ITGA9: variants seen among roughly 807,000 people sequenced by gnomAD.
ITGA9 encodes the protein integrin alpha-9.
Under a neutral mutation model 127.8 loss-of-function variants are expected in ITGA9, and 56 were observed. The ratio of observed to expected loss-of-function variants is 0.44; its 90% CI spans 0.35 to 0.55. ITGA9 has a LOEUF of 0.55. Ranked by LOEUF, ITGA9 falls within the 20% of genes least tolerant of loss-of-function variation. The pLI is 0.00. For synonymous variants in ITGA9, 508 were observed against 514.5 expected (o/e 0.99, Z 0.17); for missense variants, 1,196 against 1,347.1 (o/e 0.89, Z 1.76).
At chr3:37,457,838 C>T (rs1227668567) in intron 1 of ITGA9, among the ~76,000 whole-genome samples, 3 of 152,092 alleles carry the variant, frequency 2.0e-5, no homozygotes, top group African/African-American at 7.2e-5. Flanking sequence ...CTGTCTTGCC[C>T]AGTGGAGAAC....
chr3:37,780,160 C>A, intron 25 of ITGA9, 139 bp downstream of exon 25: 2 of 1,002,192 alleles, frequency 2.0e-6, no homozygotes, highest in Non-Finnish European at 3.1e-6. Context: ...CCCCTTTTGG[C>A]TGTCTACAAG....
intron 24 of ITGA9, 63 bp from the exon 25 acceptor site, chr3:37,779,839 A>G: frequency 6.4e-7 from 1 of 1,563,690 alleles, no homozygotes; most frequent in South Asian, 1.1e-5. Flanking sequence ...CTACTCTGTA[A>G]ATTGTTGTGG....
chr3:37,636,355 T>C (rs1457768800), intron 16 of ITGA9, among the ~76,000 whole-genome samples: 1 of 152,222 alleles, frequency 6.6e-6, no homozygotes, highest in Non-Finnish European at 1.5e-5. Context: ...CTCATTGTGG[T>C]TTTGATTTGC....
At chr3:37,691,252 C>T (rs1700829208) in intron 18 of ITGA9, among the ~76,000 whole-genome samples, 1 of 152,162 alleles carries the variant, frequency 6.6e-6, no homozygotes, top group South Asian at 2.1e-4. Context: ...AACCTGAGCA[C>T]CTCACTTTCT....
At chr3:37,464,828 A>G (rs1229051093) in intron 1 of ITGA9, among the ~76,000 whole-genome samples, 3 of 152,338 alleles carry the variant, frequency 2.0e-5, no homozygotes, top group East Asian at 1.9e-4. Flanking sequence ...TTGGGCAAGC[A>G]TTGGTCCCTA....
chr3:37,711,201 C>G (rs543894559), intron 18 of ITGA9, among the ~76,000 whole-genome samples: 27 of 152,242 alleles, frequency 1.8e-4, no homozygotes, highest in African/African-American at 5.3e-4. Flanking sequence ...TTAACACAAG[C>G]AGGGCAGGAG....
intron 22 of ITGA9, among the ~76,000 whole-genome samples, chr3:37,750,066 T>C (rs1207089306): frequency 7.0e-6 from 1 of 142,838 alleles, no homozygotes; most frequent in Non-Finnish European, 1.5e-5. Context: ...CAAAATGTGT[T>C]TTAACAAGCC....
chr3:37,509,090 G>A (rs1341444125), intron 8 of ITGA9, among the ~76,000 whole-genome samples: 3 of 152,116 alleles, frequency 2.0e-5, no homozygotes, highest in African/African-American at 7.2e-5. Context: ...CAAGGTGACT[G>A]TTGCCACACA....
intron 15 of ITGA9, among the ~76,000 whole-genome samples, chr3:37,618,331 T>A (rs536869364): frequency 6.6e-6 from 1 of 152,288 alleles, no homozygotes; most frequent in South Asian, 2.1e-4. Context: ...AAGTTTTGTC[T>A]CAGAGGAGTA....
chr3:37,634,465 C>G lies in ITGA9; in HGVS notation c.1839+5129C>G, dbSNP rs532676006. 4.6e-5 allele frequency among the ~76,000 whole-genome samples: 7 copies of G among 151,902 alleles called. No individual in the cohort carries two copies. The South Asian group carries it at 1.2e-3, about 27-fold the overall frequency. On this transcript the variant is annotated intron_variant, in intron 16 of 27. Transcript: ENST00000264741. ...CACAGAGCAGGAGTAGACTTTAAGT[C>G]AAAAATAGACTTTAAGTCAAAAACT... is the stretch of plus-strand genomic sequence containing the variant.
At chr3:37,582,665 A>G (rs1046200493) in intron 15 of ITGA9, among the ~76,000 whole-genome samples, 15 of 152,170 alleles carry the variant, frequency 9.9e-5, no homozygotes, top group Non-Finnish European at 1.9e-4. Flanking sequence ...ATCTGGTCTT[A>G]GTGGGTTCTG....
chr3:37,694,824 A>G (rs1303158728), intron 18 of ITGA9, among the ~76,000 whole-genome samples: 1 of 152,234 alleles, frequency 6.6e-6, no homozygotes, highest in African/African-American at 2.4e-5. Context: ...AAAGAAAGCC[A>G]TGAAAGACTA....
intron 23 of ITGA9, among the ~76,000 whole-genome samples, chr3:37,759,997 C>T (rs1208862296): frequency 6.6e-6 from 1 of 151,666 alleles, no homozygotes; most frequent in Non-Finnish European, 1.5e-5. Flanking sequence ...GAGGCTGAGG[C>T]GGGTGTGAGG....
intron 4 of ITGA9, among the ~76,000 whole-genome samples, chr3:37,482,722 C>G (rs547742596): frequency 3.3e-5 from 5 of 152,158 alleles, no homozygotes; most frequent in Non-Finnish European, 7.3e-5. Context: ...GGGAAACGTC[C>G]CCCACAGAAG....
rs1396810725 is a variant in ITGA9, at chr3:37,687,124, C to CA, written c.2067+3117dup. Among the ~76,000 whole-genome samples, 6 of 150,674 alleles carry CA rather than the reference C, an allele frequency of 4.0e-5. No individual in the cohort carries two copies. In the South Asian group the frequency reaches 6.3e-4, roughly 16 times the overall value. ...AGAGCATCTACTTTTTGATGAAAGTCAAAAAAAATGAACAAAGTGGAAGAT... is the reference window on the plus strand; with the variant it reads ...AGAGCATCTACTTTTTGATGAAAGTCAAAAAAAAATGAACAAAGTGGAAGAT... On this transcript the variant is annotated intron_variant, in intron 18 of 27. Transcript: ENST00000264741.
chr3:37,747,441 A>G (rs1443215744), intron 22 of ITGA9, among the ~76,000 whole-genome samples: 1 of 152,188 alleles, frequency 6.6e-6, no homozygotes, highest in Non-Finnish European at 1.5e-5. Context: ...CTATTAAATT[A>G]TTATTGACTA....
chr3:37,701,675 T>C (rs1575199416), intron 18 of ITGA9, among the ~76,000 whole-genome samples: 1 of 152,274 alleles, frequency 6.6e-6, no homozygotes, highest in Non-Finnish European at 1.5e-5. Context: ...AAAATGCAGG[T>C]GTCAGCAGGT....
At chr3:37,470,028 C>T (rs1378592276) in intron 1 of ITGA9, among the ~76,000 whole-genome samples, 1 of 152,116 alleles carries the variant, frequency 6.6e-6, no homozygotes, top group East Asian at 1.9e-4. Context: ...AACTCCTAAG[C>T]TCAGGCAGTC....
At chr3:37,490,975 C>CCCCTT (rs548395527) in intron 4 of ITGA9, among the ~76,000 whole-genome samples, 13 of 105,104 alleles carry the variant, frequency 1.2e-4, no homozygotes, top group Admixed American at 3.0e-4. Context: ...TTCCCCCCCG[C>CCCCTT]TTTTTTTTTT....
Sources: gnomAD v4.1 joint callset for allele counts (sites outside exome capture counted in the v4.1 genomes callset) on GRCh38, gnomAD v4.1.1 for gene constraint, MANE v1.5 for transcripts, NCBI Gene and HGNC (gene_info 2026-07-23, HGNC 2026-07-21) for gene names.